The following SENP7 variants were observed in gnomAD, a reference collection of about 807,000 sequenced individuals.
SENP7 encodes the protein SUMO specific peptidase 7.
In SENP7, 64 loss-of-function variants were observed where a neutral mutation model predicts 141.2. The ratio of observed to expected loss-of-function variants is 0.45; its 90% CI spans 0.37 to 0.56. The LOEUF (loss-of-function observed/expected upper bound fraction) is 0.56. SENP7 is among the 20% of genes least tolerant of loss of function. The probability of loss-of-function intolerance (pLI) is 0.00; values close to 1 mark genes in which losing one functional copy is unlikely to be tolerated. For missense variants in SENP7, 1,025 were observed against 1,212.2 expected (o/e 0.85, Z 2.29); for synonymous variants, 382 against 426.4 (o/e 0.90, Z 1.28).
intron 3 of SENP7, among the ~76,000 whole-genome samples, chr3:101,460,528 A>G (rs2063512076): frequency 6.6e-6 from 1 of 152,192 alleles, no homozygotes; most frequent in Non-Finnish European, 1.5e-5. Flanking sequence ...GCTTCACATC[A>G]TATTCAAAAA....
chr3:101,453,102 G>C (rs1411329791), intron 4 of SENP7, among the ~76,000 whole-genome samples: 1 of 152,056 alleles, frequency 6.6e-6, no homozygotes, highest in African/African-American at 2.4e-5. Flanking sequence ...GCAGCCAAAA[G>C]ACACATGAAA....
At chr3:101,507,661 G>A (rs1166908921) in intron 1 of SENP7, among the ~76,000 whole-genome samples, 11 of 114,804 alleles carry the variant, frequency 9.6e-5, no homozygotes, top group Admixed American at 2.1e-4. Flanking sequence ...CCTTTGGGGG[G>A]AAGACAAAAA....
At chr3:101,425,658 C>T (rs1036995599) in intron 4 of SENP7, among the ~76,000 whole-genome samples, 3 of 152,116 alleles carry the variant, frequency 2.0e-5, no homozygotes, top group Non-Finnish European at 4.4e-5. Context: ...CTGAACTAGG[C>T]TGAGATGGCT....
At chr3:101,443,330 C>T (rs961064484) in intron 4 of SENP7, among the ~76,000 whole-genome samples, 1 of 152,006 alleles carries the variant, frequency 6.6e-6, no homozygotes, top group Non-Finnish European at 1.5e-5. Flanking sequence ...GGTACCAGTA[C>T]CATGCTGTTT....
At chr3:101,416,216 G>A (rs1336239842) in intron 5 of SENP7, among the ~76,000 whole-genome samples, 3 of 151,722 alleles carry the variant, frequency 2.0e-5, no homozygotes, top group Admixed American at 6.6e-5. Context: ...TTAAAACACA[G>A]CAAAAAACAA....
In SENP7 at chr3:101,327,743, A is replaced by G; in HGVS notation, c.2938T>C (p.Cys980Arg). 1 of 1,611,926 alleles carries G rather than the reference A, an allele frequency of 6.2e-7. No individual in the cohort carries two copies. Among genetic ancestry groups the G allele is most frequent in the Non-Finnish European group, 8.5e-7 (1 of 1,178,572 alleles). ...QFSKTNMVDL[C>R]PKVPKQDNSS... ...TTGTCCTGTTTAGGAACTTTAGGGC[A>G]TAGATCCACCATGTTTGTTTTGCTG... is the stretch of plus-strand genomic sequence containing the variant. Residue 980 changes from cysteine (C) to arginine (R), a missense_variant, in exon 23 of 24, where the codon TGC (cysteine) becomes CGC (arginine). Physicochemically the swap from Cys to Arg is radical, Grantham distance 180. This residue lies in a region of SENP7 where 295 missense variants were observed against 459.1 expected (regional missense o/e 0.64). Transcript: ENST00000394095.
intron 4 of SENP7, chr3:101,457,292 A>G: frequency 6.5e-7 from 1 of 1,527,550 alleles, no homozygotes; most frequent in Middle Eastern, 2.3e-4. Flanking sequence ...CAAGATCAGG[A>G]ACTTCATCAT....
chr3:101,366,603 G>A lies in SENP7; in HGVS notation c.1145C>T (p.Thr382Ile). ...GGTTGAACCGGCAGAGGCACTTTTG[G>A]TGGCATTACTCAAAGTCAACTCCTG... Reference protein sequence around the residue: ...NSQELTLSNATKSASAGSTTE... With the variant: ...NSQELTLSNAIKSASAGSTTE... The change falls in exon 9 of 24, where the codon ACC (threonine) becomes ATC (isoleucine). Residue 382 changes from threonine (T) to isoleucine (I), a missense_variant. By Grantham distance (89) the Thr-to-Ile change is moderately conservative. This residue lies in a region of SENP7 where 496 missense variants were observed against 503.5 expected (regional missense o/e 0.99). Transcript: ENST00000394095. The A allele has an allele frequency of 1.2e-6, 2 of 1,613,912 alleles. No individual in the cohort carries two copies. The highest frequency in any genetic ancestry group is 1.3e-5 in the African/African-American group (1 of 75,004).
chr3:101,413,850 A>G (rs2061524653), intron 5 of SENP7, among the ~76,000 whole-genome samples: 2 of 152,300 alleles, frequency 1.3e-5, no homozygotes, highest in South Asian at 2.1e-4. Context: ...ATATGGAGGA[A>G]CAGACAGACA....
chr3:101,408,779 C>T (rs748149033), intron 5 of SENP7, among the ~76,000 whole-genome samples: 4 of 152,032 alleles, frequency 2.6e-5, no homozygotes, highest in Non-Finnish European at 5.9e-5. Flanking sequence ...AAGGGACATA[C>T]CTCAATATAA....
Position 101,328,592 on chromosome 3 carries a change from A to G in SENP7, c.2796-46T>C, listed in dbSNP as rs1274806306. 4 of 1,597,174 alleles carry G rather than the reference A, an allele frequency of 2.5e-6. No homozygotes were observed. In the East Asian group the frequency reaches 6.7e-5, roughly 27 times the overall value. Reference sequence around the variant, plus strand: ...AATCAAGATTTACATACTTGTATACAAAGTATATCTAAATACCTCAAAAAA... The same window carrying G: ...AATCAAGATTTACATACTTGTATACGAAGTATATCTAAATACCTCAAAAAA... On this transcript the variant is annotated intron_variant, in intron 21 of 23. Coordinates refer to ENST00000394095, the MANE Select transcript of SENP7 (RefSeq NM_020654.5).
intron 10 of SENP7, among the ~76,000 whole-genome samples, chr3:101,363,970 C>A (rs2059968150): frequency 6.6e-6 from 1 of 152,198 alleles, no homozygotes; most frequent in African/African-American, 2.4e-5. Context: ...GTGATCCTAG[C>A]ACTTTGGGAG....
At chr3:101,341,836 A>C in intron 14 of SENP7, 57 bp from the exon 15 acceptor site, 1 of 1,505,028 alleles carries the variant, frequency 6.6e-7, no homozygotes, top group East Asian at 2.3e-5. Flanking sequence ...AAAAGAACAA[A>C]GTCAAAACGT....
intron 4 of SENP7, among the ~76,000 whole-genome samples, chr3:101,418,405 A>C (rs2061687452): frequency 6.6e-6 from 1 of 151,986 alleles, no homozygotes; most frequent in South Asian, 2.1e-4. Context: ...CATTCAATAC[A>C]TCTTTATGCT....
At chr3:101,485,898 T>C (rs1004084034) in intron 3 of SENP7, among the ~76,000 whole-genome samples, 3 of 151,956 alleles carry the variant, frequency 2.0e-5, no homozygotes, top group African/African-American at 7.2e-5. Flanking sequence ...TTCAAGGAAA[T>C]AGATCGCTTA....
chr3:101,356,959 T>C (rs2059759589), intron 11 of SENP7, among the ~76,000 whole-genome samples: 1 of 152,190 alleles, frequency 6.6e-6, no homozygotes. Flanking sequence ...TCTGAAAGAA[T>C]TTTTGACAGT....
chr3:101,495,868 A>G (rs952184811), intron 2 of SENP7, among the ~76,000 whole-genome samples: 6 of 152,184 alleles, frequency 3.9e-5, no homozygotes, highest in Admixed American at 6.5e-5. Context: ...GATCCTACAC[A>G]TCCTGCAAGT....
intron 1 of SENP7, among the ~76,000 whole-genome samples, chr3:101,508,887 T>C (rs2108210086): frequency 6.6e-6 from 1 of 152,310 alleles, no homozygotes; most frequent in African/African-American, 2.4e-5. Context: ...GTACTTAATA[T>C]ATATTCATCC....
intron 3 of SENP7, among the ~76,000 whole-genome samples, chr3:101,493,569 GAACA>G (rs2065043503): frequency 6.6e-6 from 1 of 151,910 alleles, no homozygotes; most frequent in Non-Finnish European, 1.5e-5. Flanking sequence ...AAGTGCATAA[GAACA>G]AACAATTCTA....
Sources: gnomAD v4.1 joint callset for allele counts (sites outside exome capture counted in the v4.1 genomes callset) on GRCh38, gnomAD v4.1.1 for gene constraint, gnomAD v4.1.1 regional missense constraint, MANE v1.5 for transcripts, NCBI Gene and HGNC (gene_info 2026-07-23, HGNC 2026-07-21) for gene names.